GRIP1: variants seen among roughly 807,000 people sequenced by gnomAD.
GRIP1 encodes glutamate receptor interacting protein 1.
GRIP1 carries 45 observed loss-of-function variants against 129.9 expected under a neutral mutation model. That is an observed-to-expected ratio of 0.35 (90% CI 0.27 to 0.44). The LOEUF (loss-of-function observed/expected upper bound fraction) is 0.44. Ranked by LOEUF, GRIP1 falls within the 20% of genes least tolerant of loss-of-function variation. The pLI is 1.00. For synonymous variants in GRIP1, 530 were observed against 520.8 expected (o/e 1.02, Z -0.24); for missense variants, 1,196 against 1,396.8 (o/e 0.86, Z 2.29).
intron 1 of GRIP1, among the ~76,000 whole-genome samples, chr12:66,737,841 C>T (rs1321369795): frequency 6.6e-6 from 1 of 152,094 alleles, no homozygotes; most frequent in Non-Finnish European, 1.5e-5. Flanking sequence ...ATGTTATGCC[C>T]ACGTGAATTT....
At chr12:66,401,023 A>G (rs1309854338) in intron 16 of GRIP1, among the ~76,000 whole-genome samples, 16 of 152,220 alleles carry the variant, frequency 1.1e-4, no homozygotes, top group Non-Finnish European at 1.5e-5. Context: ...GACCCACACA[A>G]GAACCACTGG....
intron 1 of GRIP1, among the ~76,000 whole-genome samples, chr12:66,760,976 C>T (rs867834848): frequency 2.6e-5 from 4 of 151,896 alleles, no homozygotes; most frequent in African/African-American, 7.3e-5. Context: ...ACTTACCACA[C>T]AGTGTAAGAC....
intron 1 of GRIP1, among the ~76,000 whole-genome samples, chr12:66,691,788 C>A (rs961156642): frequency 6.6e-6 from 1 of 151,976 alleles, no homozygotes. Context: ...AACTTGTTTG[C>A]GTAGGGAAAT....
chr12:66,633,886 G>A (rs936847135), intron 1 of GRIP1, among the ~76,000 whole-genome samples: 51 of 152,164 alleles, frequency 3.4e-4, no homozygotes, highest in African/African-American at 1.2e-3. Flanking sequence ...TTGAGAGTGT[G>A]ATTGTGCAAA....
chr12:66,853,439 A>AT (rs1243839647), intron 1 of GRIP1, among the ~76,000 whole-genome samples: 1 of 151,964 alleles, frequency 6.6e-6, no homozygotes, highest in African/African-American at 2.4e-5. Flanking sequence ...ATTTTTGAAA[A>AT]TTTATCTTTT....
chr12:66,429,248 G>A (rs1307785981), intron 14 of GRIP1, among the ~76,000 whole-genome samples: 1 of 152,160 alleles, frequency 6.6e-6, no homozygotes, highest in Non-Finnish European at 1.5e-5. Context: ...TGCACAAGGT[G>A]AAGACGACAG....
intron 1 of GRIP1, among the ~76,000 whole-genome samples, chr12:66,770,711 C>T (rs1219779405): frequency 2.6e-5 from 4 of 152,138 alleles, no homozygotes; most frequent in African/African-American, 9.7e-5. Flanking sequence ...GAGATTTTCT[C>T]CCATTTTTAT....
rs773951106 is a variant in GRIP1 at position 66,392,733 on chromosome 12, T to C, written c.2213A>G (p.His738Arg). 6.2e-6 allele frequency: 10 copies of C among 1,613,392 alleles called. 1 individual carries two copies. Among genetic ancestry groups the C allele is most frequent in the Admixed American group, 3.3e-5 (2 of 59,990 alleles). Residue 738 changes from histidine to arginine, a missense_variant, in exon 18 of 25, where the codon CAT becomes CGT. Transcript: ENST00000359742. ...LKGKPLSEAI[H>R]LLQMAGETVT... is the part of the protein sequence containing the mutation. ...AGTCTCTCCTGCCATCTGTAACAAATGGATGGCTTCACTCAGAGGCTTCCC... is the reference window on the plus strand; with the variant it reads ...AGTCTCTCCTGCCATCTGTAACAAACGGATGGCTTCACTCAGAGGCTTCCC...
intron 1 of GRIP1, among the ~76,000 whole-genome samples, chr12:66,939,943 G>A (rs1013671526): frequency 1.9e-4 from 29 of 152,216 alleles, no homozygotes; most frequent in Middle Eastern, 3.4e-3. Flanking sequence ...ATGGTTACAA[G>A]AGACTAACAT....
chr12:66,442,472 C>G (rs1346574204), intron 13 of GRIP1, among the ~76,000 whole-genome samples: 1 of 152,144 alleles, frequency 6.6e-6, no homozygotes, highest in East Asian at 1.9e-4. Context: ...ATTCTCTAAC[C>G]CTCTATGCTG....
chr12:66,445,368 AAG>A lies in GRIP1; in HGVS notation c.1493_1494del (p.Ser498PhefsTer11), dbSNP rs1256142283. 4 of 1,614,162 alleles carry A rather than the reference AAG, an allele frequency of 2.5e-6. No individual in the cohort carries two copies. On this transcript the variant is annotated frameshift_variant, in exon 12 of 25. Coordinates refer to ENST00000359742, the MANE Select transcript of GRIP1 (RefSeq NM_001366722.1). LOFTEE classifies it high-confidence loss of function. ...TCGATATAGGAAATCAGAGGTGGAG[AAG>A]AGAGAGTTTCTGTGGCAAACACACT... The part of the protein sequence containing the change: ...QGSVFATETL[S>X]SPPLISYIEA...
At chr12:66,580,725 G>A (rs7968875) in intron 2 of GRIP1, among the ~76,000 whole-genome samples, 2,491 of 151,018 alleles carry the variant, frequency 0.016, 56 homozygotes, top group African/African-American at 0.056. Flanking sequence ...AAATATATAT[G>A]CACCCAATAC....
intron 1 of GRIP1, among the ~76,000 whole-genome samples, chr12:66,769,031 C>T (rs1342948908): frequency 6.6e-6 from 1 of 152,148 alleles, no homozygotes; most frequent in South Asian, 2.1e-4. Context: ...TGTGCATGAG[C>T]TTGCATGAGA....
rs767715929 is a variant in GRIP1, at chr12:66,371,922, T to A, written c.2784A>T (p.Thr928=). 4.4e-6 allele frequency: 7 copies of A among 1,604,448 alleles called. No homozygotes were observed. The Admixed American group carries it at 1.2e-4, about 27-fold the overall frequency. The change falls in exon 23 of 25, where the codon ACA becomes ACT. Residue 928 remains threonine, a synonymous_variant. Transcript: ENST00000359742. ...AACTCATCGTGCTCCCCGACATGAT[T>A]GTTGCCTGTGGCATTGACAATTTTT... ...VSLRNMTLLA[T]IMSGSTMSLN... is the part of the protein sequence containing the mutation.
intron 1 of GRIP1, among the ~76,000 whole-genome samples, chr12:66,627,789 T>C (rs2030263656): frequency 1.3e-5 from 2 of 152,086 alleles, no homozygotes. Flanking sequence ...AGGCCCTTTG[T>C]TGGAAATTTT....
intron 1 of GRIP1, among the ~76,000 whole-genome samples, chr12:66,924,122 T>A (rs965338935): frequency 2.6e-5 from 4 of 152,118 alleles, no homozygotes; most frequent in Non-Finnish European, 5.9e-5. Flanking sequence ...TGGGATTACA[T>A]GCATGAGCCA....
At chr12:66,655,640 C>T (rs1322137831) in intron 1 of GRIP1, among the ~76,000 whole-genome samples, 8 of 135,210 alleles carry the variant, frequency 5.9e-5, no homozygotes, top group East Asian at 2.2e-4. Flanking sequence ...GACAGAGTCT[C>T]GCTCTGTCAC....
At chr12:67,010,345 T>C (rs901199697) in intron 1 of GRIP1, among the ~76,000 whole-genome samples, 1 of 152,182 alleles carries the variant, frequency 6.6e-6, no homozygotes, top group East Asian at 1.9e-4. Flanking sequence ...GGTGTTTTAC[T>C]TGCCTTCACG....
chr12:66,703,423 G>A (rs2035417039), intron 1 of GRIP1, among the ~76,000 whole-genome samples: 1 of 152,146 alleles, frequency 6.6e-6, no homozygotes, highest in African/African-American at 2.4e-5. Flanking sequence ...GGTAGCAAGT[G>A]TGGAGGATGC....
Sources: allele counts gnomAD v4.1 joint callset (sites outside exome capture counted in the v4.1 genomes callset), GRCh38; gene constraint gnomAD v4.1.1; transcripts MANE v1.5; gene names NCBI Gene and HGNC (gene_info 2026-07-23, HGNC 2026-07-21).